The following TTC39B variants were observed in gnomAD, a reference collection of about 807,000 sequenced individuals.
TTC39B encodes the protein tetratricopeptide repeat protein 39B.
Under a neutral mutation model 96.6 loss-of-function variants are expected in TTC39B, and 92 were observed. The observed-to-expected ratio is 0.95, with a 90% CI of 0.80 to 1.13. The LOEUF (loss-of-function observed/expected upper bound fraction) is 1.13. TTC39B is among the 50% of genes most tolerant of loss of function. TTC39B has a pLI of 0.00. For missense variants in TTC39B, 955 were observed against 809.3 expected (o/e 1.18, Z -2.18); for synonymous variants, 367 against 299.4 (o/e 1.23, Z -2.33).
chr9:15,192,074 G>C (rs939792786), intron 9 of TTC39B, among the ~76,000 whole-genome samples: 1 of 152,182 alleles, frequency 6.6e-6, no homozygotes, highest in Non-Finnish European at 1.5e-5. Context: ...AGTGGCCATA[G>C]TGGCACATTC....
At chr9:15,176,486 G>A (rs953969454) in intron 18 of TTC39B, among the ~76,000 whole-genome samples, 15 of 152,124 alleles carry the variant, frequency 9.9e-5, no homozygotes, top group African/African-American at 3.4e-4. Flanking sequence ...CATCAATACT[G>A]TCAGGAAGAA....
chr9:15,233,424 T>G (rs1821549930), intron 2 of TTC39B, among the ~76,000 whole-genome samples: 1 of 152,140 alleles, frequency 6.6e-6, no homozygotes, highest in African/African-American at 2.4e-5. Context: ...TGGACTGTAC[T>G]GCTGCCATCT....
At chr9:15,260,422 T>C (rs1822902721) in intron 2 of TTC39B, among the ~76,000 whole-genome samples, 1 of 151,562 alleles carries the variant, frequency 6.6e-6, no homozygotes, top group Non-Finnish European at 1.5e-5. Flanking sequence ...AACATTTATA[T>C]TACCTACAGG....
At chr9:15,176,173 A>G (rs145846221) in intron 18 of TTC39B, among the ~76,000 whole-genome samples, 10 of 152,210 alleles carry the variant, frequency 6.6e-5, no homozygotes, top group Admixed American at 3.3e-4. Flanking sequence ...CTGTAGAGCA[A>G]CTCTTCTTCA....
chr9:15,271,025 G>T (rs1482517421), intron 1 of TTC39B, among the ~76,000 whole-genome samples: 2 of 150,914 alleles, frequency 1.3e-5, no homozygotes, highest in Non-Finnish European at 2.9e-5. Context: ...TTAATTACTT[G>T]CCCAACATTA....
intron 3 of TTC39B, 99 bp from the exon 4 acceptor site, chr9:15,214,348 C>G (rs1787677): frequency 0.16 from 84,272 of 515,232 alleles, 7,135 homozygotes; most frequent in African/African-American, 0.33. Context: ...GTGTGTGTGT[C>G]TGTGTGTGTG....
chr9:15,211,829 G>C (rs974862011), intron 4 of TTC39B, among the ~76,000 whole-genome samples: 17 of 152,194 alleles, frequency 1.1e-4, no homozygotes, highest in Non-Finnish European at 2.2e-4. Flanking sequence ...CCCTCTCCTC[G>C]CCAGCCAAAG....
At chr9:15,219,873 C>T (rs1241945706) in intron 3 of TTC39B, among the ~76,000 whole-genome samples, 1 of 152,164 alleles carries the variant, frequency 6.6e-6, no homozygotes, top group African/African-American at 2.4e-5. Context: ...ATGACCCTCA[C>T]AAGGGAGGCC....
chr9:15,214,338 G>GTGTGTGTGTCTC (rs1564354150), intron 3 of TTC39B, 89 bp from the exon 4 acceptor site: 1 of 815,994 alleles, frequency 1.2e-6, no homozygotes. Flanking sequence ...GTGTGTGTGT[G>GTGTGTGTGTCTC]TGTGTGTGTC....
At chr9:15,205,211 T>G (rs1465627649) in intron 6 of TTC39B, among the ~76,000 whole-genome samples, 1 of 152,216 alleles carries the variant, frequency 6.6e-6, no homozygotes, top group Non-Finnish European at 1.5e-5. Context: ...CAGTGCTAAC[T>G]ACGTGCACTG....
intron 2 of TTC39B, among the ~76,000 whole-genome samples, chr9:15,243,287 C>A (rs1391833293): frequency 6.6e-6 from 1 of 152,210 alleles, no homozygotes; most frequent in Non-Finnish European, 1.5e-5. Context: ...AAACAGACTG[C>A]TGGAAATTTG....
chr9:15,291,865 C>A (rs1334257709), intron 1 of TTC39B, among the ~76,000 whole-genome samples: 1 of 152,218 alleles, frequency 6.6e-6, no homozygotes, highest in Non-Finnish European at 1.5e-5. Context: ...AGGCAGCAGA[C>A]ACAGTGGAGT....
chr9:15,183,361 T>G (rs780180292), intron 16 of TTC39B: 1 of 436,174 alleles, frequency 2.3e-6, no homozygotes, highest in Non-Finnish European at 4.5e-6. Flanking sequence ...TTGATGATGA[T>G]CTTTTAAAAA....
rs143383956 is a variant in TTC39B at position 15,173,504 on chromosome 9, G to C, written c.1959-1395C>G. Among the ~76,000 whole-genome samples, 886 of 152,180 alleles carry C rather than the reference G, an allele frequency of 5.8e-3. 14 individuals carry two copies. The highest frequency in any genetic ancestry group is 0.02 in the African/African-American group (848 of 41,536). On this transcript the variant is annotated intron_variant, in intron 19 of 19. Transcript: ENST00000512701. ...GCAGCCACTTTTCTGGTCTTAACTT[G>C]TTTGACCTCTTAGTTGCTGCCCTCA...
chr9:15,287,961 A>T (rs75117760), intron 1 of TTC39B, among the ~76,000 whole-genome samples: 15,473 of 150,882 alleles, frequency 0.1, 1,247 homozygotes, highest in African/African-American at 0.2. Flanking sequence ...AAAAAAAAAA[A>T]AAAAAAAACA....
chr9:15,266,512 G>C (rs2131547837), intron 2 of TTC39B, among the ~76,000 whole-genome samples: 1 of 152,234 alleles, frequency 6.6e-6, no homozygotes, highest in East Asian at 1.9e-4. Flanking sequence ...TATCATTTAA[G>C]TTGCAAAACT....
At chr9:15,250,121 G>A (rs1464494335) in intron 2 of TTC39B, 2 of 1,242,690 alleles carry the variant, frequency 1.6e-6, no homozygotes, top group Non-Finnish European at 2.1e-6. Context: ...CAAAGTAGTT[G>A]CCGAGGCAGC....
At position 15,280,992 on chromosome 9, in the gene TTC39B, G is replaced by A. The variant is rs575554148; in HGVS notation, c.241-13044C>T. Reference sequence around the variant, plus strand: ...ATGCAATTATCCCAAACAGTATTGAGAAGAATAATTTATTTCTTTTTTCTT... The same window carrying A: ...ATGCAATTATCCCAAACAGTATTGAAAAGAATAATTTATTTCTTTTTTCTT... On this transcript the variant is annotated intron_variant, in intron 1 of 19. Transcript: ENST00000512701. 3.3e-5 allele frequency among the ~76,000 whole-genome samples: 5 copies of A among 152,194 alleles called. No individual in the cohort carries two copies. The South Asian group carries it at 1.0e-3, about 32-fold the overall frequency.
chr9:15,190,844 A>G (rs1284167618), intron 10 of TTC39B, among the ~76,000 whole-genome samples, 182 bp from the exon 11 acceptor site: 1 of 152,194 alleles, frequency 6.6e-6, no homozygotes, highest in East Asian at 1.9e-4. Context: ...CTCAACAGGT[A>G]GTTTTTCAAC....
Sources: allele counts gnomAD v4.1 joint callset (sites outside exome capture counted in the v4.1 genomes callset), GRCh38; gene constraint gnomAD v4.1.1; transcripts MANE v1.5; gene names NCBI Gene and HGNC (gene_info 2026-07-23, HGNC 2026-07-21).